The following EDIL3 variants were observed in gnomAD, a reference collection of about 807,000 sequenced individuals.
The protein encoded by EDIL3 is EGF-like repeat and discoidin I-like domain-containing protein 3.
In EDIL3, 37 loss-of-function variants were observed where a neutral mutation model predicts 67.4. The ratio of observed to expected loss-of-function variants is 0.55; its 90% CI spans 0.42 to 0.72. The LOEUF is 0.72. Among genes scored for constraint, EDIL3 ranks in the 30% least tolerant of loss-of-function variants. The pLI, the probability that EDIL3 is intolerant of heterozygous loss-of-function variation, is 0.00. For missense variants in EDIL3, 527 were observed against 586.3 expected, an observed-to-expected ratio of 0.90 and a Z score of 1.04; for synonymous variants, 195 against 196.3, an observed-to-expected ratio of 0.99 and a Z score of 0.05.
At chr5:84,245,594 A>T (rs969972462) in intron 2 of EDIL3, among the ~76,000 whole-genome samples, 1 of 152,202 alleles carries the variant, frequency 6.6e-6, no homozygotes, top group African/African-American at 2.4e-5. Flanking sequence ...TCAATGAAGA[A>T]GATGAAATCA....
chr5:84,035,424 G>A (rs1746004741), intron 9 of EDIL3, among the ~76,000 whole-genome samples: 1 of 151,974 alleles, frequency 6.6e-6, no homozygotes, highest in African/African-American at 2.4e-5. Flanking sequence ...ACCAGTTACA[G>A]TTTTAAAAAT....
intron 9 of EDIL3, among the ~76,000 whole-genome samples, chr5:84,010,729 G>T (rs1745502824): frequency 1.3e-5 from 2 of 152,018 alleles, no homozygotes; most frequent in African/African-American, 4.8e-5. Context: ...CATGTTCTTT[G>T]TGAATTAAAT....
At chr5:84,208,187 A>C (rs1384007481) in intron 3 of EDIL3, among the ~76,000 whole-genome samples, 1 of 152,174 alleles carries the variant, frequency 6.6e-6, no homozygotes, top group Non-Finnish European at 1.5e-5. Context: ...CAATGAACTC[A>C]AACAAATTTA....
At chr5:84,176,179 AAAATATATATATATATATAATATATATAT>A (rs1466474466) in intron 4 of EDIL3, among the ~76,000 whole-genome samples, 1 of 90,914 alleles carries the variant, frequency 1.1e-5, no homozygotes. Flanking sequence ...TCAGTGGTAA[AAAATATATATATATATATAATATATATAT>A]ATATATATAT....
intron 1 of EDIL3, among the ~76,000 whole-genome samples, chr5:84,258,116 T>A (rs1220014318): frequency 6.6e-6 from 1 of 152,190 alleles, no homozygotes. Context: ...TTAGGGTTAT[T>A]ATAGATTTTG....
At chr5:84,356,009 A>T (rs556435875) in intron 1 of EDIL3, among the ~76,000 whole-genome samples, 1 of 151,422 alleles carries the variant, frequency 6.6e-6, no homozygotes, top group South Asian at 2.1e-4. Flanking sequence ...TCTCTATTTT[A>T]AAAAACCTTC....
rs566353506 is a variant in EDIL3 at position 84,287,561 on chromosome 5, T to C, written c.68-33349A>G. Among the ~76,000 whole-genome samples the C allele has an allele frequency of 2.5e-4, 38 of 152,264 alleles. No individual in the cohort carries two copies. The South Asian group carries it at 7.9e-3, about 32-fold the overall frequency. On this transcript the variant is annotated intron_variant, in intron 1 of 10. Coordinates refer to ENST00000296591, the MANE Select transcript of EDIL3 (RefSeq NM_005711.5). ...AATTAATGAAACTACACAAGCTTAATGAACATTAGGGATTAAAATGCAAGA... is the reference window on the plus strand; with the variant it reads ...AATTAATGAAACTACACAAGCTTAACGAACATTAGGGATTAAAATGCAAGA...
chr5:84,329,325 T>C (rs1422978303), intron 1 of EDIL3, among the ~76,000 whole-genome samples: 1 of 152,102 alleles, frequency 6.6e-6, no homozygotes, highest in Non-Finnish European at 1.5e-5. Context: ...ATTAAATGTG[T>C]GCTGATATTT....
intron 4 of EDIL3, among the ~76,000 whole-genome samples, chr5:84,159,227 C>T (rs1748561572): frequency 6.6e-6 from 1 of 151,978 alleles, no homozygotes; most frequent in Non-Finnish European, 1.5e-5. Context: ...ATAAACAGTA[C>T]ATTTATGAGT....
rs555133138 is a variant in EDIL3, at chr5:84,046,474, T to C, written c.1137+13826A>G. Among the ~76,000 whole-genome samples the C allele has an allele frequency of 4.6e-5, 7 of 152,284 alleles. No homozygotes were observed. In the East Asian group the frequency reaches 1.4e-3, roughly 29 times the overall value. ...CTTCCTGACAAGTGCTGAATCCCCT[T>C]TAGACCACTGACTGGCTCTGCAATC... On this transcript the variant is annotated intron_variant, in intron 9 of 10. Transcript: ENST00000296591.
intron 1 of EDIL3, among the ~76,000 whole-genome samples, chr5:84,343,378 A>G (rs1031986640): frequency 4.6e-5 from 7 of 152,026 alleles, no homozygotes; most frequent in African/African-American, 1.4e-4. Flanking sequence ...TTCTGTAACA[A>G]TGGATCAGGT....
chr5:84,016,158 G>A (rs772646265), intron 9 of EDIL3, among the ~76,000 whole-genome samples: 4 of 152,010 alleles, frequency 2.6e-5, no homozygotes, highest in Admixed American at 6.6e-5. Flanking sequence ...GTTTTCTAGG[G>A]AACTACATTT....
rs559104673 is a variant in EDIL3, at chr5:84,099,319, T to C, written c.651+7330A>G. 7.9e-4 allele frequency among the ~76,000 whole-genome samples: 102 copies of C among 129,206 alleles called. 1 individual carries two copies. Among genetic ancestry groups the C allele is most frequent in the Non-Finnish European group, 1.5e-3 (86 of 56,518 alleles). 84.8% of individuals were successfully genotyped at this position (129,206 alleles called of 152,430 possible). ...CAATCCTAAGCAGAAAGAACAAAAC[T>C]GGAGGCATCACTCTACCTGACTTCA... On this transcript the variant is annotated intron_variant, in intron 6 of 10. Transcript: ENST00000296591.
chr5:84,226,891 A>C (rs1744462774), intron 3 of EDIL3, among the ~76,000 whole-genome samples: 1 of 152,004 alleles, frequency 6.6e-6, no homozygotes, highest in South Asian at 2.1e-4. Flanking sequence ...GTTGCATTTC[A>C]CAAAAAGGCC....
intron 1 of EDIL3, among the ~76,000 whole-genome samples, chr5:84,366,954 G>A (rs10805817): frequency 0.27 from 41,191 of 152,082 alleles, 6,902 homozygotes; most frequent in Middle Eastern, 0.39. Context: ...ATTACATTCA[G>A]ATATATTTTA....
intron 9 of EDIL3, among the ~76,000 whole-genome samples, chr5:84,038,172 A>G (rs1746057826): frequency 6.6e-6 from 1 of 151,066 alleles, no homozygotes; most frequent in African/African-American, 2.4e-5. Flanking sequence ...CAGGCTATGG[A>G]ATTCTCTTCT....
chr5:84,043,334 G>A (rs575572566), intron 9 of EDIL3, among the ~76,000 whole-genome samples: 4 of 152,282 alleles, frequency 2.6e-5, no homozygotes, highest in African/African-American at 9.6e-5. Flanking sequence ...GCACCATTCT[G>A]AAGATGAAAT....
At chr5:84,133,625 T>A (rs1430289730) in intron 5 of EDIL3, among the ~76,000 whole-genome samples, 2 of 151,824 alleles carry the variant, frequency 1.3e-5, no homozygotes, top group Non-Finnish European at 2.9e-5. Context: ...AGACTCCATC[T>A]CAAAATAAAG....
At chr5:84,250,386 A>G (rs1744998915) in intron 2 of EDIL3, among the ~76,000 whole-genome samples, 2 of 152,316 alleles carry the variant, frequency 1.3e-5, no homozygotes, top group Non-Finnish European at 1.5e-5. Context: ...GAGAAAAGCA[A>G]TGTTGTCTAG....
Sources: allele counts gnomAD v4.1 joint callset (sites outside exome capture counted in the v4.1 genomes callset), GRCh38; gene constraint gnomAD v4.1.1; transcripts MANE v1.5; gene names NCBI Gene and HGNC (gene_info 2026-07-23, HGNC 2026-07-21).